The following ATXN7L1 variants were observed in gnomAD, a reference collection of about 807,000 sequenced individuals.
ATXN7L1 encodes the protein ataxin 7 like 1, also known as ataxin-7-like protein 1.
ATXN7L1 carries 15 observed loss-of-function variants against 70.8 expected under a neutral mutation model. That is an observed-to-expected ratio of 0.21 (90% CI 0.14 to 0.33). The LOEUF is 0.33. Among genes scored for constraint, ATXN7L1 ranks in the 10% least tolerant of loss-of-function variants. ATXN7L1 has a pLI of 1.00. For synonymous variants in ATXN7L1, 440 were observed against 445.1 expected, an observed-to-expected ratio of 0.99 and a Z score of 0.14; for missense variants, 975 against 1,097.1, an observed-to-expected ratio of 0.89 and a Z score of 1.57.
chr7:105,770,753 G>C (rs1801873552), intron 3 of ATXN7L1, among the ~76,000 whole-genome samples: 1 of 152,164 alleles, frequency 6.6e-6, no homozygotes, highest in Non-Finnish European at 1.5e-5. Context: ...CCTTCAAAGA[G>C]AAAGTTTCTT....
chr7:105,847,279 TG>T (rs1790436511), intron 2 of ATXN7L1, among the ~76,000 whole-genome samples: 1 of 152,092 alleles, frequency 6.6e-6, no homozygotes, highest in Non-Finnish European at 1.5e-5. Context: ...GTGAGAACAT[TG>T]GGAGTTGGCC....
intron 2 of ATXN7L1, among the ~76,000 whole-genome samples, chr7:105,824,362 T>C (rs906476028): frequency 1.3e-5 from 2 of 151,976 alleles, no homozygotes; most frequent in Non-Finnish European, 2.9e-5. Context: ...AGCACCCACC[T>C]GAAAGAGACT....
At chr7:105,630,539 T>C (rs1796435061) in intron 7 of ATXN7L1, among the ~76,000 whole-genome samples, 1 of 152,114 alleles carries the variant, frequency 6.6e-6, no homozygotes. Context: ...CTGGGCAACA[T>C]GGTGAAGCCC....
At chr7:105,861,103 G>A (rs1180114354) in intron 2 of ATXN7L1, among the ~76,000 whole-genome samples, 1 of 152,116 alleles carries the variant, frequency 6.6e-6, no homozygotes, top group Admixed American at 6.6e-5. Context: ...AGGGGAGAAG[G>A]GGAAGACACT....
At chr7:105,819,702 T>C in intron 2 of ATXN7L1, 2 of 917,350 alleles carry the variant, frequency 2.2e-6, no homozygotes, top group Non-Finnish European at 1.8e-6. Flanking sequence ...CCGAGGCCCC[T>C]ACCACTTCCG....
At chr7:105,819,357 TA>T (rs562169532) in intron 2 of ATXN7L1, 840 of 441,488 alleles carry the variant, frequency 1.9e-3, no homozygotes, top group Non-Finnish European at 2.4e-3. Flanking sequence ...GGTTGGCTAT[TA>T]AAAAAAAATC....
chr7:105,686,958 A>G (rs1325361955), intron 3 of ATXN7L1, among the ~76,000 whole-genome samples: 1 of 152,180 alleles, frequency 6.6e-6, no homozygotes, highest in Non-Finnish European at 1.5e-5. Context: ...AATTCCTGAC[A>G]TAGTTTCTGG....
chr7:105,623,965 C>A (rs1310359779), intron 8 of ATXN7L1, 110 bp downstream of exon 8: 2 of 1,041,524 alleles, frequency 1.9e-6, no homozygotes, highest in Non-Finnish European at 2.5e-6. Context: ...TTTTGTAAAA[C>A]ACTGCGCAGG....
intron 2 of ATXN7L1, among the ~76,000 whole-genome samples, chr7:105,862,659 C>T (rs1343674093): frequency 6.6e-6 from 1 of 152,122 alleles, no homozygotes; most frequent in Non-Finnish European, 1.5e-5. Flanking sequence ...GGAGAGGGGA[C>T]AGCACTGAGG....
chr7:105,790,643 TATCTATCTATC>T, intron 2 of ATXN7L1, among the ~76,000 whole-genome samples: 1 of 84,140 alleles, frequency 1.2e-5, no homozygotes, highest in Non-Finnish European at 2.5e-5. Flanking sequence ...TCTATCTATC[TATCTATCTATC>T]ATCTATCTAC....
At chr7:105,639,941 TG>T (rs564648288) in intron 5 of ATXN7L1, among the ~76,000 whole-genome samples, 100 of 152,354 alleles carry the variant, frequency 6.6e-4, no homozygotes, top group Non-Finnish European at 1.2e-3. Context: ...CCTTGGCATT[TG>T]GGCATAGCTG....
chr7:105,822,692 G>T (rs1810331252), intron 2 of ATXN7L1, among the ~76,000 whole-genome samples: 1 of 152,304 alleles, frequency 6.6e-6, no homozygotes, highest in African/African-American at 2.4e-5. Context: ...CTTTACAAAT[G>T]AGGAAACTGA....
intron 7 of ATXN7L1, among the ~76,000 whole-genome samples, chr7:105,635,103 C>T (rs1478060653): frequency 6.6e-6 from 1 of 152,196 alleles, no homozygotes; most frequent in African/African-American, 2.4e-5. Context: ...CCCTTTTATA[C>T]TTTAGACTGC....
intron 3 of ATXN7L1, among the ~76,000 whole-genome samples, chr7:105,763,808 T>C (rs1184161253): frequency 6.6e-6 from 1 of 152,070 alleles, no homozygotes; most frequent in Non-Finnish European, 1.5e-5. Context: ...GTCACTTCCT[T>C]CATAATTATA....
At chr7:105,694,044 G>A (rs1289653031) in intron 3 of ATXN7L1, among the ~76,000 whole-genome samples, 4 of 146,782 alleles carry the variant, frequency 2.7e-5, no homozygotes, top group Non-Finnish European at 4.6e-5. Flanking sequence ...TGAGGGAGAA[G>A]TGAGCCTTTT....
intron 6 of ATXN7L1, among the ~76,000 whole-genome samples, chr7:105,639,145 T>C (rs1205823140): frequency 6.6e-6 from 1 of 152,046 alleles, no homozygotes; most frequent in Non-Finnish European, 1.5e-5. Context: ...TTCAGGGCGC[T>C]GCCGCCGCCG....
At chr7:105,739,949 G>C (rs538056556) in intron 3 of ATXN7L1, among the ~76,000 whole-genome samples, 1 of 152,288 alleles carries the variant, frequency 6.6e-6, no homozygotes, top group East Asian at 1.9e-4. Flanking sequence ...ACATTCAACA[G>C]TTCAAACATT....
At chr7:105,635,122 G>A (rs1797168034) in intron 7 of ATXN7L1, among the ~76,000 whole-genome samples, 2 of 152,208 alleles carry the variant, frequency 1.3e-5, no homozygotes, top group South Asian at 4.1e-4. Context: ...GCATGTGTAA[G>A]CATCTATGAG....
rs1413191766 is a variant in ATXN7L1, at chr7:105,875,838, C to T, written c.224G>A (p.Arg75Lys). ...TTCTTTATTAAGCCTCATAACCTCC[C>T]TGCTTTTTCCACCCTCTTTTCCAGC... ...EEAGKEGGKS[R>K]EVMRLNKEDM... Residue 75 changes from arginine (R) to lysine (K), a missense_variant, in exon 2 of 12, where the codon AGG becomes AAG. Physicochemically the swap from Arg to Lys is conservative, Grantham distance 26. Transcript: ENST00000419735. 1 of 1,613,790 alleles carries T rather than the reference C, an allele frequency of 6.2e-7. No individual in the cohort carries two copies. The highest frequency in any genetic ancestry group is 1.3e-5 in the African/African-American group (1 of 74,864).
Sources: gnomAD v4.1 joint callset for allele counts (sites outside exome capture counted in the v4.1 genomes callset) on GRCh38, gnomAD v4.1.1 for gene constraint, MANE v1.5 for transcripts, NCBI Gene and HGNC (gene_info 2026-07-23, HGNC 2026-07-21) for gene names.